Variants in PCNX2 observed in about 807,000 individuals in gnomAD.
PCNX2 encodes pecanex-like protein 2.
PCNX2 carries 168 observed loss-of-function variants against 223.8 expected under a neutral mutation model. The observed-to-expected ratio is 0.75, with a 90% CI of 0.66 to 0.85. The LOEUF (loss-of-function observed/expected upper bound fraction) is 0.85, where lower values mean the gene tolerates loss of function less well. PCNX2 is among the 40% of genes least tolerant of loss of function. The pLI, the probability that PCNX2 is intolerant of heterozygous loss-of-function variation, is 0.00. For missense variants in PCNX2, 2,507 were observed against 2,675.5 expected (o/e 0.94, Z 1.39); for synonymous variants, 1,006 against 1,052.6 (o/e 0.96, Z 0.86).
At chr1:233,042,531 C>A (rs1671678023) in intron 25 of PCNX2, among the ~76,000 whole-genome samples, 1 of 152,232 alleles carries the variant, frequency 6.6e-6, no homozygotes, top group Admixed American at 6.5e-5. Flanking sequence ...AACCTGGGAG[C>A]TATATCAATT....
At chr1:233,282,231 C>CT (rs143107842) in intron 1 of PCNX2, among the ~76,000 whole-genome samples, 1,551 of 152,310 alleles carry the variant, frequency 0.01, 14 homozygotes, top group South Asian at 0.028. Context: ...TGCCCTGCCT[C>CT]TGAGTGTAGC....
chr1:233,055,034 A>G (rs1672142483), intron 24 of PCNX2, among the ~76,000 whole-genome samples: 1 of 152,174 alleles, frequency 6.6e-6, no homozygotes, highest in Admixed American at 6.5e-5. Context: ...ATCCCTCTGT[A>G]TGCATGTGCT....
Position 233,253,095 on chromosome 1 carries a change from T to G in PCNX2, c.1835-307A>C, listed in dbSNP as rs944737950. ...GACCATACATGTGCCCAGCTGGAAA[T>G]CACCCATTTAGGTTACATAGGTCTG... On this transcript the variant is annotated intron_variant, in intron 5 of 33. Transcript: ENST00000258229. The surrounding 1 kb of genome is among the most constrained non-coding windows in gnomAD (Gnocchi z 4.2). Among the ~76,000 whole-genome samples, 1 of 152,196 alleles carries G rather than the reference T, an allele frequency of 6.6e-6. No individual in the cohort carries two copies. Among genetic ancestry groups the G allele is most frequent in the African/African-American group, 2.4e-5 (1 of 41,456 alleles).
At chr1:233,303,381 G>A in the PCNX2 span, among the ~76,000 whole-genome samples, 1 of 152,052 alleles carries the variant, frequency 6.6e-6, no homozygotes, top group East Asian at 1.9e-4. Context: ...TGGGTGTGGT[G>A]GTGTGTGCCT....
At chr1:232,988,339 A>G (rs2102777244) in intron 32 of PCNX2, among the ~76,000 whole-genome samples, 1 of 152,262 alleles carries the variant, frequency 6.6e-6, no homozygotes, top group Non-Finnish European at 1.5e-5. Flanking sequence ...TGTGTGTCAA[A>G]GGGAAGTGGC....
chr1:233,005,483 T>G (rs1670249482), intron 28 of PCNX2, among the ~76,000 whole-genome samples: 1 of 152,246 alleles, frequency 6.6e-6, no homozygotes, highest in South Asian at 2.1e-4. Context: ...ATATTTTCCC[T>G]GTCATTTCTA....
rs930881687 is a variant in PCNX2, at chr1:233,288,804, C to T, written c.153+6522G>A. 4.5e-3 allele frequency: 1,941 copies of T among 433,548 alleles called. 28 individuals carry two copies. The highest frequency in any genetic ancestry group is 6.1e-3 in the Non-Finnish European group (1,551 of 254,758). The allele number at this position is 433,548 out of a possible 1,614,324, so 26.9% of individuals were successfully genotyped here. ...AGGCCCAGGACCCAGGAAAGATGCC[C>T]TTTTTTTTTTTTTTTTTTTTTTACT... On this transcript the variant is annotated intron_variant, in intron 1 of 33. Coordinates refer to ENST00000258229, the MANE Select transcript of PCNX2 (RefSeq NM_014801.4).
intron 5 of PCNX2, 21 bp downstream of exon 5, chr1:233,258,007 G>A (rs752928361): frequency 8.7e-6 from 14 of 1,601,784 alleles, no homozygotes; most frequent in South Asian, 7.8e-5. Flanking sequence ...TCATCAGAAC[G>A]GAAATGACAT....
intron 21 of PCNX2, among the ~76,000 whole-genome samples, chr1:233,107,458 G>A (rs1462347835): frequency 2.0e-5 from 3 of 152,138 alleles, no homozygotes; most frequent in Non-Finnish European, 2.9e-5. Flanking sequence ...GTAAGGCTAT[G>A]TCTCAATCAT....
At chr1:233,230,533 C>T (rs1334754342) in intron 9 of PCNX2, among the ~76,000 whole-genome samples, 1 of 152,190 alleles carries the variant, frequency 6.6e-6, no homozygotes, top group Non-Finnish European at 1.5e-5. Flanking sequence ...GAGGGCAGTG[C>T]AGCTGCTTCA....
In PCNX2 at chr1:232,984,343, G is replaced by A. The variant is rs748910691; in HGVS notation, c.6375C>T (p.Asp2125=). The A allele has an allele frequency of 7.4e-6, 12 of 1,612,590 alleles. No individual in the cohort carries two copies. The highest frequency in any genetic ancestry group is 1.7e-4 in the Middle Eastern group (1 of 5,886). Residue 2125 remains aspartate (D), a synonymous_variant, in exon 34 of 34, where the codon GAC becomes GAT. Coordinates refer to ENST00000258229, the MANE Select transcript of PCNX2 (RefSeq NM_014801.4). ...RRASQEDMGL[D]DTASQQSVSD... The stretch of plus-strand genomic sequence containing the variant: ...ACACACTTTGCTGCGAGGCCGTGTC[G>A]TCCAGGCCCATGTCCTCCTGGCTTG...
chr1:233,036,218 G>C (rs890880051), intron 25 of PCNX2, among the ~76,000 whole-genome samples: 3 of 152,064 alleles, frequency 2.0e-5, no homozygotes. Flanking sequence ...CAGAATCCTA[G>C]AACATAAGCT....
In PCNX2 at chr1:232,990,932, G is replaced by A. The variant is rs1309280384; in HGVS notation, c.5792-4392C>T. Reference sequence around the variant, plus strand: ...AATGGGGAGGCTCCAGTGCATGCAGGCAGCCCCTCACCTGGCAGGATGTGG... The same window carrying A: ...AATGGGGAGGCTCCAGTGCATGCAGACAGCCCCTCACCTGGCAGGATGTGG... On this transcript the variant is annotated intron_variant, in intron 32 of 33. Coordinates refer to ENST00000258229, the MANE Select transcript of PCNX2 (RefSeq NM_014801.4). The surrounding 1 kb of genome is among the most constrained non-coding windows in gnomAD (Gnocchi z 4.3). 6.6e-6 allele frequency among the ~76,000 whole-genome samples: 1 copy of A among 152,216 alleles called. No individual in the cohort carries two copies. The highest frequency in any genetic ancestry group is 1.5e-5 in the Non-Finnish European group (1 of 68,032).
chr1:233,123,555 C>T (rs930054825), intron 21 of PCNX2, among the ~76,000 whole-genome samples: 2 of 151,392 alleles, frequency 1.3e-5, no homozygotes, highest in Non-Finnish European at 2.9e-5. Flanking sequence ...GCACTCCAGC[C>T]TGGGCGACAA....
chr1:233,296,618 G>C (rs1026461856), upstream of PCNX2, among the ~76,000 whole-genome samples: 4 of 152,186 alleles, frequency 2.6e-5, no homozygotes, highest in African/African-American at 9.6e-5. Flanking sequence ...CTTCCTTTGG[G>C]ATGAGGAGCA....
chr1:233,085,600 T>C (rs1316856782), intron 23 of PCNX2, among the ~76,000 whole-genome samples: 3 of 152,004 alleles, frequency 2.0e-5, no homozygotes, highest in African/African-American at 7.3e-5. Context: ...GGTGGGTGAG[T>C]GACTTACTTG....
chr1:233,131,908 G>A (rs1290016012), intron 21 of PCNX2, among the ~76,000 whole-genome samples: 1 of 151,282 alleles, frequency 6.6e-6, no homozygotes, highest in East Asian at 1.9e-4. Context: ...TCAAATGCCT[G>A]CACAACTAAG....
At chr1:233,051,682 C>G (rs377693612) in intron 25 of PCNX2, among the ~76,000 whole-genome samples, 1 of 152,118 alleles carries the variant, frequency 6.6e-6, no homozygotes, top group African/African-American at 2.4e-5. Context: ...ACAATAGACA[C>G]TGGGGACTGG....
the PCNX2 span, among the ~76,000 whole-genome samples, chr1:233,307,564 T>C: frequency 1.1e-4 from 17 of 152,276 alleles, no homozygotes; most frequent in African/African-American, 4.1e-4. Flanking sequence ...CAGCCTCAGG[T>C]ATTCCTTTAC....
Sources: gnomAD v4.1 joint callset for allele counts (sites outside exome capture counted in the v4.1 genomes callset) on GRCh38, gnomAD v4.1.1 for gene constraint, Gnocchi (gnomAD v3.1) non-coding constraint, MANE v1.5 for transcripts, NCBI Gene and HGNC (gene_info 2026-07-23, HGNC 2026-07-21) for gene names.